Variants in ANAPC10 observed in about 807,000 individuals in gnomAD.
The protein encoded by ANAPC10 is anaphase promoting complex subunit 10.
A neutral mutation model predicts 22.0 loss-of-function variants in ANAPC10; 12 were observed. That is an observed-to-expected ratio of 0.55 (90% confidence interval 0.35 to 0.88). ANAPC10 has a LOEUF of 0.88. Ranked by LOEUF, ANAPC10 falls within the 40% of genes least tolerant of loss-of-function variation. ANAPC10 has a pLI of 0.01. For synonymous variants in ANAPC10, 65 were observed against 69.5 expected (o/e 0.94, Z 0.32); for missense variants, 188 against 220.9 (o/e 0.85, Z 0.94).
At chr4:144,999,592 AG>A (rs1372097360) in intron 4 of ANAPC10, among the ~76,000 whole-genome samples, 1 of 152,232 alleles carries the variant, frequency 6.6e-6, no homozygotes, top group Admixed American at 6.5e-5. Context: ...GCTCATGGAT[AG>A]GAAGAATCAA....
chr4:145,032,814 T>C (rs1384257571), intron 4 of ANAPC10, among the ~76,000 whole-genome samples: 2 of 152,242 alleles, frequency 1.3e-5, no homozygotes, highest in African/African-American at 2.4e-5. Context: ...GTTGATTATA[T>C]TGGACTTCTT....
intron 3 of ANAPC10, among the ~76,000 whole-genome samples, chr4:145,075,077 G>A (rs1034824758): frequency 6.6e-6 from 1 of 151,902 alleles, no homozygotes; most frequent in African/African-American, 2.4e-5. Context: ...ATCAGTGTTA[G>A]CAGGGGAAGC....
chr4:145,054,640 T>TGTGTGTGCGC (rs1353005943), intron 4 of ANAPC10, among the ~76,000 whole-genome samples: 2 of 90,276 alleles, frequency 2.2e-5, no homozygotes, highest in African/African-American at 8.0e-5. Context: ...TGTGTGTGTG[T>TGTGTGTGCGC]GCGCGCGCGC....
intron 4 of ANAPC10, among the ~76,000 whole-genome samples, chr4:145,034,598 TA>T (rs1738217884): frequency 6.8e-6 from 1 of 147,568 alleles, no homozygotes; most frequent in African/African-American, 2.5e-5. Context: ...ATACATATCC[TA>T]TATATATTAT....
chr4:145,038,161 CTAT>C (rs1738895177), intron 4 of ANAPC10, among the ~76,000 whole-genome samples: 1 of 151,968 alleles, frequency 6.6e-6, no homozygotes, highest in Non-Finnish European at 1.5e-5. Flanking sequence ...TAGTGAGACC[CTAT>C]CTCTACAAAA....
At chr4:145,007,399 C>A (rs541063924) in intron 4 of ANAPC10, among the ~76,000 whole-genome samples, 53 of 152,054 alleles carry the variant, frequency 3.5e-4, no homozygotes, top group Non-Finnish European at 5.9e-4. Flanking sequence ...GTAAAGCATC[C>A]CTCAGCAAAT....
intron 3 of ANAPC10, among the ~76,000 whole-genome samples, chr4:145,070,056 A>G (rs982124674): frequency 6.6e-6 from 1 of 152,226 alleles, no homozygotes; most frequent in Admixed American, 6.5e-5. Flanking sequence ...GTAAATAATG[A>G]GATACATATA....
At chr4:145,006,394 G>C (rs904316523) in intron 4 of ANAPC10, among the ~76,000 whole-genome samples, 2 of 152,054 alleles carry the variant, frequency 1.3e-5, no homozygotes, top group Non-Finnish European at 2.9e-5. Context: ...CATTGCATGA[G>C]ATATGGGTCT....
intron 4 of ANAPC10, among the ~76,000 whole-genome samples, chr4:144,998,532 A>C (rs1476602414): frequency 6.6e-6 from 1 of 152,244 alleles, no homozygotes; most frequent in Non-Finnish European, 1.5e-5. Context: ...GTACATAACA[A>C]AATGAAGGCA....
chr4:145,041,087 T>C (rs1739442646), intron 4 of ANAPC10, among the ~76,000 whole-genome samples: 1 of 152,210 alleles, frequency 6.6e-6, no homozygotes, highest in Non-Finnish European at 1.5e-5. Flanking sequence ...GTAGGATCTA[T>C]GACTTCTAGT....
At chr4:145,033,645 G>A (rs1214984288) in intron 4 of ANAPC10, among the ~76,000 whole-genome samples, 1 of 152,142 alleles carries the variant, frequency 6.6e-6, no homozygotes, top group Admixed American at 6.5e-5. Context: ...CCCAATCCAG[G>A]CAGGACTACA....
In ANAPC10 at chr4:145,077,605, G is replaced by A. The variant is rs116581005; in HGVS notation, c.206+4055C>T. ...CAGGCCAATATTCTTGATGAACATC[G>A]ACACAAAAATCCTCAATAACATACT... On this transcript the variant is annotated intron_variant, in intron 3 of 4. Coordinates refer to ENST00000507656, the MANE Select transcript of ANAPC10 (RefSeq NM_001256706.2). Among the ~76,000 whole-genome samples, 371 of 152,034 alleles carry A rather than the reference G, an allele frequency of 2.4e-3. 1 individual carries two copies. Among genetic ancestry groups the A allele is most frequent in the African/African-American group, 8.2e-3 (342 of 41,472 alleles).
At chr4:145,066,292 G>T (rs1743672190) in intron 3 of ANAPC10, among the ~76,000 whole-genome samples, 1 of 152,048 alleles carries the variant, frequency 6.6e-6, no homozygotes. Flanking sequence ...ACCATTATTA[G>T]GTTTTTAAAA....
intron 2 of ANAPC10, among the ~76,000 whole-genome samples, chr4:145,087,215 A>G (rs1747024161): frequency 6.6e-6 from 1 of 152,210 alleles, no homozygotes; most frequent in Admixed American, 6.5e-5. Context: ...GTTAAGCAGC[A>G]TTAGTGGAGC....
Position 145,092,138 on chromosome 4 carries a change from G to A in ANAPC10, c.115+3847C>T, listed in dbSNP as rs570148470. On this transcript the variant is annotated intron_variant, in intron 2 of 4. Coordinates refer to ENST00000507656, the MANE Select transcript of ANAPC10 (RefSeq NM_001256706.2). ...AATGACAACAAATGGACACAGGGAG[G>A]GGAACATCACACACTAGGGCCTGTC... Among the ~76,000 whole-genome samples, 7 of 152,202 alleles carry A rather than the reference G, an allele frequency of 4.6e-5. No individual in the cohort carries two copies. In the South Asian group the frequency reaches 1.5e-3, roughly 32 times the overall value.
At chr4:145,001,244 G>C (rs955827448) in intron 4 of ANAPC10, among the ~76,000 whole-genome samples, 1 of 132,166 alleles carries the variant, frequency 7.6e-6, no homozygotes, top group Admixed American at 7.7e-5. Context: ...GGGAGTGAGG[G>C]AGGGAGGGAG....
intron 2 of ANAPC10, among the ~76,000 whole-genome samples, chr4:145,093,691 G>A (rs1243676231): frequency 6.6e-6 from 1 of 151,910 alleles, no homozygotes; most frequent in African/African-American, 2.4e-5. Context: ...TATCACAGAT[G>A]AAAAATTTCT....
chr4:144,999,241 AG>A (rs1732124759), intron 4 of ANAPC10: 1 of 155,230 alleles, frequency 6.4e-6, no homozygotes, highest in Non-Finnish European at 1.4e-5. Flanking sequence ...AGAGAAAAAG[AG>A]GGAATCCTCC....
intron 3 of ANAPC10, among the ~76,000 whole-genome samples, chr4:145,076,038 C>A (rs1745149400): frequency 6.6e-6 from 1 of 152,182 alleles, no homozygotes; most frequent in African/African-American, 2.4e-5. Context: ...TGCAGCACAG[C>A]CTCAGATGAC....
Sources: allele counts gnomAD v4.1 joint callset (sites outside exome capture counted in the v4.1 genomes callset), GRCh38; gene constraint gnomAD v4.1.1; transcripts MANE v1.5; gene names NCBI Gene and HGNC (gene_info 2026-07-23, HGNC 2026-07-21).